The following MLF1 variants were observed in gnomAD, a reference collection of about 807,000 sequenced individuals.
The protein encoded by MLF1 is myelodysplasia-myeloid leukemia factor 1.
A neutral mutation model predicts 38.3 loss-of-function variants in MLF1; 37 were observed. That is an observed-to-expected ratio of 0.96 (90% confidence interval 0.74 to 1.27). MLF1 has a LOEUF of 1.27. Among genes scored for constraint, MLF1 ranks in the 50% most tolerant of loss-of-function variants. The pLI is 0.00. For missense variants in MLF1, 331 were observed against 349.2 expected, an observed-to-expected ratio of 0.95 and a Z score of 0.42; for synonymous variants, 95 against 106.5, an observed-to-expected ratio of 0.89 and a Z score of 0.66.
rs1473090494 is a variant in MLF1 at position 158,605,198 on chromosome 3, A to G, written c.848A>G (p.Lys283Arg). 6.2e-7 allele frequency: 1 copy of G among 1,610,032 alleles called. No individual in the cohort carries two copies. Among genetic ancestry groups the G allele is most frequent in the African/African-American group, 1.3e-5 (1 of 74,858 alleles). ...GGCTCATCTGTGAAAAGCAACAAAA[A>G]ATAAATAGCCATGCATTTGATTTGT... ...IKGSSVKSNK[K>R] The change falls in exon 8 of 8, where the codon AAA becomes AGA. Residue 283 changes from lysine to arginine, a missense_variant. Transcript: ENST00000466246.
rs1720401603 is a variant in MLF1 at position 158,605,489 on chromosome 3, T to G, written c.*287T>G. On this transcript the variant is annotated 3_prime_UTR_variant, in exon 8 of 8. Coordinates refer to ENST00000466246, the MANE Select transcript of MLF1 (RefSeq NM_001369783.1). ...GCTTATTTCGCTTCCCCAGTTGTTT[T>G]TGTGTTGGCTAAATATTCTTTTATA... 2 of 258,130 alleles carry G rather than the reference T, an allele frequency of 7.7e-6. No homozygotes were observed. Among genetic ancestry groups the G allele is most frequent in the Non-Finnish European group, 1.5e-5 (2 of 134,386 alleles). 16.0% of individuals were successfully genotyped at this position (258,130 alleles called of 1,614,324 possible).
Position 158,596,866 on chromosome 3 carries a change from C to T in MLF1, c.245C>T (p.Thr82Ile). The T allele has an allele frequency of 1.9e-6, 3 of 1,602,802 alleles. No individual in the cohort carries two copies. The highest frequency in any genetic ancestry group is 2.6e-6 in the Non-Finnish European group (3 of 1,171,600). ...VPFGDFGGMH[T>I]DVSSFQTMDQ... ...ATACTTCCTGATATTCTGTAGCATA[C>T]AGATGTCAGCTCTTTCCAGACAATG... Residue 82 changes from threonine (T) to isoleucine (I), a missense_variant, in exon 4 of 8, where the codon ACA (threonine) becomes ATA (isoleucine). Coordinates refer to ENST00000466246, the MANE Select transcript of MLF1 (RefSeq NM_001369783.1).
chr3:158,590,690 TA>T, intron 1 of MLF1: 1 of 421,808 alleles, frequency 2.4e-6, no homozygotes, highest in Non-Finnish European at 4.6e-6. Context: ...GACCAAACTA[TA>T]ATGACAGAAA....
intron 1 of MLF1, chr3:158,588,870 T>C (rs1284325426): frequency 2.2e-6 from 1 of 456,552 alleles, no homozygotes; most frequent in Non-Finnish European, 4.4e-6. Context: ...GTGGTCTTAC[T>C]CTGCAGCAGC....
chr3:158,592,424 T>G lies in MLF1; in HGVS notation c.48-10T>G. On this transcript the variant is annotated splice_polypyrimidine_tract_variant and intron_variant, in intron 1 of 7. Coordinates refer to ENST00000466246, the MANE Select transcript of MLF1 (RefSeq NM_001369783.1). ...ACTGAATCTTTCATGATTATGTATATTTTCAACAGTGAGTCCATTCTTGCA... is the reference window on the plus strand; with the variant it reads ...ACTGAATCTTTCATGATTATGTATAGTTTCAACAGTGAGTCCATTCTTGCA... 6.3e-7 allele frequency: 1 copy of G among 1,597,546 alleles called. No individual in the cohort carries two copies. The highest frequency in any genetic ancestry group is 8.5e-7 in the Non-Finnish European group (1 of 1,175,086).
intron 3 of MLF1, among the ~76,000 whole-genome samples, chr3:158,593,998 C>T (rs894300023): frequency 9.2e-5 from 14 of 152,096 alleles, no homozygotes; most frequent in African/African-American, 3.4e-4. Context: ...CAGAAAATAA[C>T]ATGAATTTGG....
chr3:158,599,490 A>G (rs1350164974), intron 5 of MLF1, among the ~76,000 whole-genome samples: 1 of 152,238 alleles, frequency 6.6e-6, no homozygotes, highest in East Asian at 1.9e-4. Flanking sequence ...TTAATCTCAG[A>G]CATTTTAATT....
At chr3:158,582,861 A>G (rs1716623775) in intron 1 of MLF1, 2 of 688,404 alleles carry the variant, frequency 2.9e-6, no homozygotes, top group East Asian at 5.5e-5. Flanking sequence ...TTCAGAGAGA[A>G]GGAAAATCAT....
chr3:158,592,853 A>G lies in MLF1; in HGVS notation c.195+272A>G, dbSNP rs186844394. 1.8e-4 allele frequency among the ~76,000 whole-genome samples: 27 copies of G among 152,298 alleles called. 1 individual carries two copies. In the East Asian group the frequency reaches 3.7e-3, roughly 21 times the overall value. ...ACCATTATTTTTTATATTTATGTAT[A>G]CATTTCTCACCTTATAACTTCCTCT... On this transcript the variant is annotated intron_variant, in intron 2 of 7. Transcript: ENST00000466246.
At chr3:158,592,883 TC>T (rs1373692311) in intron 2 of MLF1, among the ~76,000 whole-genome samples, 1 of 152,160 alleles carries the variant, frequency 6.6e-6, no homozygotes, top group Non-Finnish European at 1.5e-5. Context: ...TCCTCTGATA[TC>T]TGAAATTAGA....
At position 158,600,238 on chromosome 3, in the gene MLF1, A is replaced by AT. The variant is rs558443011; in HGVS notation, c.613+74dup. The AT allele has an allele frequency of 1.3e-3, 1,300 of 981,554 alleles. 8 individuals are homozygous for AT. Among genetic ancestry groups the AT allele is most frequent in the African/African-American group, 0.013 (771 of 58,236 alleles). The allele number at this position is 981,554 out of a possible 1,614,324, so 60.8% of individuals were successfully genotyped here. A position where few individuals can be genotyped will look rare whatever the true frequency, so the allele number is the denominator to read the frequency against. ...TTAAAATAACAGCCGTACTTGATGA[A>AT]TTTTTTTTTAGAAACATGTCATAAG... On this transcript the variant is annotated intron_variant, in intron 6 of 7. Coordinates refer to ENST00000466246, the MANE Select transcript of MLF1 (RefSeq NM_001369783.1).
Position 158,596,942 on chromosome 3 carries a change from C to T in MLF1, c.321C>T (p.Asn107=). ...ACTATATGCAGAAATTAGAAAGAAA[C>T]TTCGTAAGTACTAAAAACAAAGCAT... ...MRNYMQKLER[N]FGQLSVDPNG... Residue 107 remains asparagine (N), a synonymous_variant, in exon 4 of 8, where the codon AAC becomes AAT. Coordinates refer to ENST00000466246, the MANE Select transcript of MLF1 (RefSeq NM_001369783.1). The T allele has an allele frequency of 6.3e-7, 1 of 1,585,970 alleles. No individual in the cohort carries two copies. Among genetic ancestry groups the T allele is most frequent in the Non-Finnish European group, 8.6e-7 (1 of 1,157,446 alleles).
At chr3:158,589,502 G>A (rs1466867527) in intron 1 of MLF1, among the ~76,000 whole-genome samples, 6 of 152,074 alleles carry the variant, frequency 3.9e-5, no homozygotes, top group South Asian at 2.1e-4. Flanking sequence ...GAGCCACCGC[G>A]CCCAGCCCTC....
intron 1 of MLF1, among the ~76,000 whole-genome samples, chr3:158,586,811 A>AAATAT (rs10624254): frequency 0.56 from 84,920 of 151,478 alleles, 24,651 homozygotes; most frequent in African/African-American, 0.72. Context: ...AAAAATGTGG[A>AAATAT]AATAAGGTTT....
Position 158,571,348 on chromosome 3 carries a change from G to A in MLF1, c.47+1G>A, listed in dbSNP as rs371096231. 1 of 1,613,060 alleles carries A rather than the reference G, an allele frequency of 6.2e-7. No individual in the cohort carries two copies. Among genetic ancestry groups the A allele is most frequent in the African/African-American group, 1.3e-5 (1 of 74,890 alleles). ...GTTTTGAGGATGACCCCTTCTTCTC[G>A]TGAGTTACGGGAGCCAGGAGTCCGG... On this transcript the variant is annotated splice_donor_variant, in intron 1 of 7. Coordinates refer to ENST00000466246, the MANE Select transcript of MLF1 (RefSeq NM_001369783.1). LOFTEE classifies it high-confidence loss of function.
chr3:158,600,474 T>A (rs2108648580), intron 6 of MLF1, among the ~76,000 whole-genome samples: 1 of 151,988 alleles, frequency 6.6e-6, no homozygotes, highest in African/African-American at 2.4e-5. Context: ...TTTTTCTGAT[T>A]ATCAAGAAAG....
chr3:158,606,375 AT>A lies in MLF1; in HGVS notation c.*1179del, dbSNP rs1560116621. The A allele has an allele frequency of 6.1e-6, 1 of 164,252 alleles. No individual in the cohort carries two copies. 10.2% of individuals were successfully genotyped at this position (164,252 alleles called of 1,614,324 possible). On this transcript the variant is annotated 3_prime_UTR_variant, in exon 8 of 8. Coordinates refer to ENST00000466246, the MANE Select transcript of MLF1 (RefSeq NM_001369783.1). ...ATATGACTATGTTCATACTTCTCTA[AT>A]TTTTTATATAATATTTTTGTTAATT...
At chr3:158,594,365 C>G (rs1435644) in intron 3 of MLF1, among the ~76,000 whole-genome samples, 138,130 of 152,200 alleles carry the variant, frequency 0.91, 62,942 homozygotes, top group East Asian at 1. Context: ...CAAAGACCTG[C>G]AGGCTAGGGA....
At chr3:158,571,825 G>A (rs1714380580) in intron 1 of MLF1, among the ~76,000 whole-genome samples, 1 of 30,092 alleles carries the variant, frequency 3.3e-5, no homozygotes. Flanking sequence ...TGAGGGGAAG[G>A]GTTGAGGGCG....
Sources: gnomAD v4.1 joint callset for allele counts (sites outside exome capture counted in the v4.1 genomes callset) on GRCh38, gnomAD v4.1.1 for gene constraint, MANE v1.5 for transcripts, NCBI Gene and HGNC (gene_info 2026-07-23, HGNC 2026-07-21) for gene names.